CAMTA1: variants seen among roughly 807,000 people sequenced by gnomAD.
CAMTA1 encodes calmodulin binding transcription activator 1, also known as calmodulin-binding transcription activator 1.
Under a neutral mutation model 170.9 loss-of-function variants are expected in CAMTA1, and 27 were observed. The ratio of observed to expected loss-of-function variants is 0.16; its 90% CI spans 0.12 to 0.22. The LOEUF (loss-of-function observed/expected upper bound fraction) is 0.22. Among genes scored for constraint, CAMTA1 ranks in the 10% least tolerant of loss-of-function variants. The pLI is 1.00. For synonymous variants in CAMTA1, 833 were observed against 891.5 expected (o/e 0.93, Z 1.17); for missense variants, 1,619 against 2,217.2 (o/e 0.73, Z 5.42).
At chr1:7,285,920 C>T (rs1672283417) in intron 5 of CAMTA1, among the ~76,000 whole-genome samples, 1 of 152,196 alleles carries the variant, frequency 6.6e-6, no homozygotes, top group South Asian at 2.1e-4. Context: ...ATTTCTAAAT[C>T]TGCTACAAAT....
intron 4 of CAMTA1, among the ~76,000 whole-genome samples, chr1:7,160,326 C>A (rs1466558550): frequency 6.6e-6 from 1 of 152,178 alleles, no homozygotes; most frequent in Admixed American, 6.6e-5. Flanking sequence ...CCCTGTCCCT[C>A]CCCAAATGTC....
chr1:7,489,957 G>A (rs996553070), intron 6 of CAMTA1, among the ~76,000 whole-genome samples: 1 of 152,188 alleles, frequency 6.6e-6, no homozygotes, highest in Non-Finnish European at 1.5e-5. Context: ...CAGCGGTTAC[G>A]GGAGGGCACT....
intron 6 of CAMTA1, among the ~76,000 whole-genome samples, chr1:7,492,359 A>G (rs1265410531): frequency 6.6e-6 from 1 of 152,190 alleles, no homozygotes; most frequent in Non-Finnish European, 1.5e-5. Context: ...ATAGAGGCTC[A>G]GAAGAGCTGG....
rs1231131509 is a variant in CAMTA1, at chr1:6,884,322, AC to A, written c.234+59113del. Among the ~76,000 whole-genome samples the A allele has an allele frequency of 1.7e-4, 25 of 149,496 alleles. No homozygotes were observed. The South Asian group carries it at 3.0e-3, about 18-fold the overall frequency. The stretch of plus-strand genomic sequence containing the variant: ...CACACACACACACACACACACACAC[AC>A]ACACACACACACAATTTTGTTTGGC... On this transcript the variant is annotated intron_variant, in intron 3 of 22. Transcript: ENST00000303635.
intron 4 of CAMTA1, among the ~76,000 whole-genome samples, chr1:7,123,606 C>T (rs1644768447): frequency 6.6e-6 from 1 of 152,192 alleles, no homozygotes; most frequent in South Asian, 2.1e-4. Flanking sequence ...ATGTGGCAGT[C>T]CCTCTGCTTT....
At chr1:7,404,260 C>T (rs1397906784) in intron 5 of CAMTA1, among the ~76,000 whole-genome samples, 2 of 152,204 alleles carry the variant, frequency 1.3e-5, no homozygotes, top group African/African-American at 4.8e-5. Flanking sequence ...CTGGGGTTGG[C>T]GCCAACTCCC....
chr1:6,992,743 G>T (rs1354387967), intron 3 of CAMTA1, among the ~76,000 whole-genome samples: 1 of 152,154 alleles, frequency 6.6e-6, no homozygotes, highest in Non-Finnish European at 1.5e-5. Flanking sequence ...GATCTTGTGA[G>T]AACTCACCTG....
In CAMTA1 at chr1:7,393,727, T is replaced by A. The variant is rs547297397; in HGVS notation, c.439-74103T>A. Among the ~76,000 whole-genome samples the A allele has an allele frequency of 2.0e-4, 30 of 152,270 alleles. No individual in the cohort carries two copies. In the South Asian group the frequency reaches 4.3e-3, roughly 22 times the overall value. On this transcript the variant is annotated intron_variant, in intron 5 of 22. Coordinates refer to ENST00000303635, the MANE Select transcript of CAMTA1 (RefSeq NM_015215.4). ...GGTGAAAACATTTAAAATCCTCTCT[T>A]TTAGCTATTTCGAAATATAGAATAC... is the stretch of plus-strand genomic sequence containing the variant.
intron 3 of CAMTA1, among the ~76,000 whole-genome samples, chr1:7,082,758 C>T (rs138404563): frequency 2.3e-3 from 353 of 152,296 alleles, no homozygotes; most frequent in African/African-American, 8.0e-3. Flanking sequence ...GTCTGCTGGG[C>T]AACCTACTCA....
At chr1:7,474,936 G>A (rs72642870) in intron 6 of CAMTA1, among the ~76,000 whole-genome samples, 6,837 of 152,254 alleles carry the variant, frequency 0.045, 254 homozygotes, top group South Asian at 0.12. Flanking sequence ...CTGTGAGCTC[G>A]GTCATGGAAG....
At chr1:7,222,473 A>T (rs1660964081) in intron 4 of CAMTA1, among the ~76,000 whole-genome samples, 1 of 152,186 alleles carries the variant, frequency 6.6e-6, no homozygotes, top group African/African-American at 2.4e-5. Flanking sequence ...GATATTATTT[A>T]GGAACGTGTC....
rs554815701 is a variant in CAMTA1, at chr1:7,745,699, T to G, written c.4371-146T>G. ...TCAATCGAAGGACACTGGGTATGTTTAGCAACTTGCCTAACTGAATGAAGG... is the reference window on the plus strand; with the variant it reads ...TCAATCGAAGGACACTGGGTATGTTGAGCAACTTGCCTAACTGAATGAAGG... On this transcript the variant is annotated intron_variant, in intron 17 of 22. Transcript: ENST00000303635. 1.4e-4 allele frequency: 128 copies of G among 893,296 alleles called. 1 individual carries two copies. The highest frequency in any genetic ancestry group is 3.1e-4 in the Middle Eastern group (1 of 3,274). 55.3% of individuals were successfully genotyped at this position (893,296 alleles called of 1,614,324 possible). A position where few individuals can be genotyped will look rare whatever the true frequency, so the allele number is the denominator to read the frequency against.
At chr1:6,906,318 C>A (rs1678465925) in intron 3 of CAMTA1, among the ~76,000 whole-genome samples, 1 of 152,102 alleles carries the variant, frequency 6.6e-6, no homozygotes, top group Non-Finnish European at 1.5e-5. Flanking sequence ...AATACTGAGC[C>A]CAGTGCATTT....
At chr1:7,121,350 C>T (rs1164245209) in intron 4 of CAMTA1, among the ~76,000 whole-genome samples, 2 of 152,216 alleles carry the variant, frequency 1.3e-5, no homozygotes, top group Non-Finnish European at 2.9e-5. Context: ...AAATAAGTTA[C>T]AATTTCCGAT....
chr1:7,022,913 C>CT (rs1701564374), intron 3 of CAMTA1, among the ~76,000 whole-genome samples: 1 of 152,028 alleles, frequency 6.6e-6, no homozygotes, highest in African/African-American at 2.4e-5. Context: ...TTCCAGGTGC[C>CT]GGAAGCCAGG....
intron 4 of CAMTA1, among the ~76,000 whole-genome samples, chr1:7,243,660 G>A (rs866504400): frequency 2.6e-5 from 4 of 152,202 alleles, no homozygotes; most frequent in African/African-American, 4.8e-5. Context: ...GTCAGGTAGC[G>A]TGACGCCTCC....
At position 7,656,108 on chromosome 1, in the gene CAMTA1, A is replaced by C. The variant is rs371501832; in HGVS notation, c.665-5618A>C. Among the ~76,000 whole-genome samples the C allele has an allele frequency of 1.6e-4, 24 of 152,366 alleles. No individual in the cohort carries two copies. In the East Asian group the frequency reaches 2.9e-3, roughly 18 times the overall value. ...CTTGATATTGGACTTCCCAGCCTCC[A>C]AAACTATAAGCCAATACACTTGTGT... On this transcript the variant is annotated intron_variant, in intron 7 of 22. Transcript: ENST00000303635.
intron 4 of CAMTA1, among the ~76,000 whole-genome samples, chr1:7,106,708 CTTG>C (rs1409269503): frequency 6.6e-6 from 1 of 151,986 alleles, no homozygotes; most frequent in African/African-American, 2.4e-5. Context: ...TCCAGTGAAA[CTTG>C]TTTGCTCTGA....
chr1:6,862,940 AAAG>A (rs1222302353), intron 3 of CAMTA1, among the ~76,000 whole-genome samples: 1 of 152,250 alleles, frequency 6.6e-6, no homozygotes, highest in Non-Finnish European at 1.5e-5. Context: ...CTTCGGGAAA[AAAG>A]GTGACAAGAA....
Sources: gnomAD v4.1 joint callset for allele counts (sites outside exome capture counted in the v4.1 genomes callset) on GRCh38, gnomAD v4.1.1 for gene constraint, MANE v1.5 for transcripts, NCBI Gene and HGNC (gene_info 2026-07-23, HGNC 2026-07-21) for gene names.